AOX1: variants seen among roughly 807,000 people sequenced by gnomAD.
The protein encoded by AOX1 is aldehyde oxidase 1.
AOX1 carries 153 observed loss-of-function variants against 169.5 expected under a neutral mutation model. The ratio of observed to expected loss-of-function variants is 0.90; its 90% CI spans 0.79 to 1.03. The LOEUF is 1.03. AOX1 is among the 50% of genes least tolerant of loss of function. AOX1 has a pLI of 0.00. For missense variants in AOX1, 1,656 were observed against 1,663.9 expected (o/e 1.00, Z 0.08); for synonymous variants, 562 against 581.9 (o/e 0.97, Z 0.49).
intron 30 of AOX1, 102 bp from the exon 31 acceptor site, chr2:200,662,753 G>T (rs2035852122): frequency 1.3e-5 from 11 of 834,480 alleles, no homozygotes; most frequent in Non-Finnish European, 1.9e-5. Context: ...TTAGGTACAG[G>T]TATATTCCTG....
At chr2:200,614,490 A>G (rs2034710050) in intron 15 of AOX1, among the ~76,000 whole-genome samples, 1 of 152,200 alleles carries the variant, frequency 6.6e-6, no homozygotes, top group African/African-American at 2.4e-5. Context: ...TCATAATAAT[A>G]GTAGTGACAA....
chr2:200,592,125 T>C (rs529465859), intron 1 of AOX1, among the ~76,000 whole-genome samples: 1 of 152,314 alleles, frequency 6.6e-6, no homozygotes, highest in East Asian at 1.9e-4. Context: ...AAGTTGAAGA[T>C]ACCTGAGAGG....
intron 25 of AOX1, among the ~76,000 whole-genome samples, chr2:200,648,259 G>C (rs2035503323): frequency 6.6e-6 from 1 of 152,198 alleles, no homozygotes; most frequent in African/African-American, 2.4e-5. Context: ...CTGTTGTTCA[G>C]TTTCTTTTGT....
At chr2:200,588,726 C>CTTTTTTTGTTTTTTTTTTTTTTTTTT (rs2034096545) in intron 1 of AOX1, among the ~76,000 whole-genome samples, 2 of 53,988 alleles carry the variant, frequency 3.7e-5, no homozygotes, top group Non-Finnish European at 7.8e-5. Flanking sequence ...CTAGAATAAG[C>CTTTTTTTGTTTTTTTTTTTTTTTTTT]TTTTTTTTTT....
At chr2:200,633,588 A>G (rs913661366) in intron 20 of AOX1, among the ~76,000 whole-genome samples, 3 of 151,318 alleles carry the variant, frequency 2.0e-5, no homozygotes, top group East Asian at 3.9e-4. Flanking sequence ...TGAGGTTTCT[A>G]TTTTTTCATT....
rs1574910550 is a variant in AOX1, at chr2:200,600,474, G to GC, written c.436+729dup. 4.5e-5 allele frequency among the ~76,000 whole-genome samples: 4 copies of GC among 88,576 alleles called. No homozygotes were observed. The South Asian group carries it at 1.4e-3, about 31-fold the overall frequency. 58.1% of individuals were successfully genotyped at this position (88,576 alleles called of 152,430 possible). On this transcript the variant is annotated intron_variant, in intron 5 of 34. Transcript: ENST00000374700. ...AGTTCAGGAGCTCAGTGTGTATGTG[G>GC]CGGGGGGGGACATCCTCATCAACAA...
intron 32 of AOX1, among the ~76,000 whole-genome samples, chr2:200,667,945 G>C (rs999215325): frequency 1.3e-5 from 2 of 152,068 alleles, no homozygotes; most frequent in Non-Finnish European, 2.9e-5. Context: ...AGTCAGGGGG[G>C]TTTGTCTGCC....
chr2:200,636,843 C>T (rs2035243203), intron 21 of AOX1, 68 bp from the exon 22 acceptor site: 2 of 1,541,260 alleles, frequency 1.3e-6, no homozygotes, highest in Non-Finnish European at 1.8e-6. Context: ...ATAGATGTGA[C>T]AATGACAGTC....
intron 27 of AOX1, among the ~76,000 whole-genome samples, chr2:200,658,254 A>C (rs1259484781): frequency 6.6e-6 from 1 of 152,244 alleles, no homozygotes; most frequent in Admixed American, 6.5e-5. Flanking sequence ...AGTGAATGTT[A>C]TGGATTGTTG....
At chr2:200,654,326 C>A (rs1182477097) in intron 26 of AOX1, among the ~76,000 whole-genome samples, 1 of 152,004 alleles carries the variant, frequency 6.6e-6, no homozygotes, top group Non-Finnish European at 1.5e-5. Flanking sequence ...AGACCCTCCA[C>A]CAGCAAAAAG....
chr2:200,594,280 G>C (rs560539155), intron 2 of AOX1, among the ~76,000 whole-genome samples: 1 of 152,294 alleles, frequency 6.6e-6, no homozygotes, highest in Admixed American at 6.5e-5. Flanking sequence ...TAAGCCATTG[G>C]TGGAGAGCAG....
downstream of AOX1, among the ~76,000 whole-genome samples, chr2:200,677,952 A>G (rs979182561): frequency 1.3e-5 from 2 of 152,234 alleles, no homozygotes; most frequent in African/African-American, 4.8e-5. Context: ...TCCCTCAATT[A>G]GCAAGCACTA....
rs2036014479 is a variant in AOX1 at position 200,670,839 on chromosome 2, A to G, written c.*160A>G. ...CTATGGAGCTGATTTAAAGTATTCC[A>G]TTTAGATTTGATAGATATGCTTAAG... is the stretch of plus-strand genomic sequence containing the variant. On this transcript the variant is annotated 3_prime_UTR_variant, in exon 35 of 35. Transcript: ENST00000374700. The G allele has an allele frequency of 1.8e-6, 1 of 570,648 alleles. No homozygotes were observed. Among genetic ancestry groups the G allele is most frequent in the African/African-American group, 1.9e-5 (1 of 53,970 alleles). 35.3% of individuals were successfully genotyped at this position (570,648 alleles called of 1,614,324 possible). A position where few individuals can be genotyped will look rare whatever the true frequency, so the allele number is the denominator to read the frequency against.
At chr2:200,666,619 G>T in intron 31 of AOX1, 68 bp from the exon 32 acceptor site, 1 of 1,180,766 alleles carries the variant, frequency 8.5e-7, no homozygotes, top group Non-Finnish European at 1.2e-6. Context: ...GGCAGGAAGT[G>T]TTCCTCAGCT....
chr2:200,608,875 G>T, intron 10 of AOX1, 109 bp from the exon 11 acceptor site: 13 of 940,954 alleles, frequency 1.4e-5, no homozygotes, highest in Non-Finnish European at 3.2e-6. Flanking sequence ...CCAATAAGCA[G>T]GGCAGCATGT....
chr2:200,604,901 C>A, intron 9 of AOX1, 61 bp downstream of exon 9: 2 of 613,204 alleles, frequency 3.3e-6, no homozygotes, highest in Non-Finnish European at 6.1e-6. Flanking sequence ...GGGATGGGGC[C>A]GGGGTGGGCT....
At chr2:200,603,446 TG>T in intron 7 of AOX1, 90 bp downstream of exon 7, 5 of 976,844 alleles carry the variant, frequency 5.1e-6, no homozygotes, top group Non-Finnish European at 7.9e-6. Flanking sequence ...CTACCCAAGT[TG>T]ACTAACTTGA....
At position 200,613,003 on chromosome 2, in the gene AOX1, C is replaced by CGT. The variant is rs745607427; in HGVS notation, c.1448+234_1448+235dup. 6.5e-3 allele frequency among the ~76,000 whole-genome samples: 932 copies of CGT among 144,214 alleles called. 7 individuals are homozygous for CGT. Among genetic ancestry groups the CGT allele is most frequent in the African/African-American group, 0.02 (788 of 39,084 alleles). The allele number at this position is 144,214 out of a possible 152,430, so 94.6% of individuals were successfully genotyped here. A position where few individuals can be genotyped will look rare whatever the true frequency, so the allele number is the denominator to read the frequency against. ...AAGTGGGAATTATATACTCTGTGTG[C>CGT]GTGTGTGTGTGTGTGTGTGTGTGTG... On this transcript the variant is annotated intron_variant, in intron 14 of 34. Coordinates refer to ENST00000374700, the MANE Select transcript of AOX1 (RefSeq NM_001159.4).
At chr2:200,621,337 C>A (rs2034883291) in intron 18 of AOX1, 91 bp downstream of exon 18, 6 of 1,287,298 alleles carry the variant, frequency 4.7e-6, no homozygotes, top group African/African-American at 3.0e-5. Flanking sequence ...TTTGGCACAC[C>A]ATGAAAGACT....
Sources: allele counts gnomAD v4.1 joint callset (sites outside exome capture counted in the v4.1 genomes callset), GRCh38; gene constraint gnomAD v4.1.1; transcripts MANE v1.5; gene names NCBI Gene and HGNC (gene_info 2026-07-23, HGNC 2026-07-21).